The following GFOD1 variants were observed in gnomAD, a reference collection of about 807,000 sequenced individuals.
The protein encoded by GFOD1 is Gfo/Idh/MocA-like oxidoreductase domain containing 1, also known as glucose-fructose oxidoreductase domain-containing protein 1.
A neutral mutation model predicts 25.4 loss-of-function variants in GFOD1; 9 were observed. That is an observed-to-expected ratio of 0.35 (90% CI 0.21 to 0.62). The LOEUF (loss-of-function observed/expected upper bound fraction) is 0.62, where lower values mean the gene tolerates loss of function less well. GFOD1 is among the 20% of genes least tolerant of loss of function. GFOD1 has a pLI of 0.72. For missense variants in GFOD1, 403 were observed against 556.9 expected (o/e 0.72, Z 2.78); for synonymous variants, 253 against 245.6 (o/e 1.03, Z -0.28).
chr6:13,371,582 T>C (rs979469180), intron 1 of GFOD1, among the ~76,000 whole-genome samples: 3 of 152,218 alleles, frequency 2.0e-5, no homozygotes, highest in Non-Finnish European at 2.9e-5. Context: ...TGGACTCTAT[T>C]TCACTCCAGA....
intron 1 of GFOD1, among the ~76,000 whole-genome samples, chr6:13,483,732 T>C (rs1584679363): frequency 6.6e-6 from 1 of 152,126 alleles, no homozygotes; most frequent in East Asian, 1.9e-4. Context: ...TGCCATGATC[T>C]ATGGCAGAGG....
chr6:13,435,269 T>G (rs933126718), intron 1 of GFOD1, among the ~76,000 whole-genome samples: 3 of 152,098 alleles, frequency 2.0e-5, no homozygotes, highest in African/African-American at 7.2e-5. Flanking sequence ...AGGTGCTAAT[T>G]CCCTACTTGC....
In GFOD1 at chr6:13,365,784, C is replaced by G. The variant is rs188253611; in HGVS notation, c.254-122G>C. Reference sequence around the variant, plus strand: ...AGAAGGTCAGATGTGGTGGCTCATGCCTGTTGTCCCAGCACTTTGGGAGGC... The same window carrying G: ...AGAAGGTCAGATGTGGTGGCTCATGGCTGTTGTCCCAGCACTTTGGGAGGC... On this transcript the variant is annotated intron_variant, in intron 1 of 1. Transcript: ENST00000379287. This position sits in a 1 kb window ranked among gnomAD's most constrained non-coding sequence, Gnocchi z 9.2. 489 of 803,438 alleles carry G rather than the reference C, an allele frequency of 6.1e-4. 2 individuals carry two copies. In the African/African-American group the frequency reaches 7.4e-3, roughly 12 times the overall value. The allele number at this position is 803,438 out of a possible 1,614,324, so 49.8% of individuals were successfully genotyped here.
Position 13,430,895 on chromosome 6 carries a change from C to T in GFOD1, c.253+55743G>A, listed in dbSNP as rs1382502138. Among the ~76,000 whole-genome samples the T allele has an allele frequency of 1.3e-5, 2 of 152,176 alleles. No homozygotes were observed. The highest frequency in any genetic ancestry group is 2.9e-5 in the Non-Finnish European group (2 of 68,024). ...CTCCATCTCCAACTTTTCAGGTAAC[C>T]TTCTCCTGCCCTCTCTACAGTCCAG... is the stretch of plus-strand genomic sequence containing the variant. On this transcript the variant is annotated intron_variant, in intron 1 of 1. Transcript: ENST00000379287. The surrounding 1 kb of genome is among the most constrained non-coding windows in gnomAD (Gnocchi z 4.1).
chr6:13,449,749 C>G (rs936253433), intron 1 of GFOD1, among the ~76,000 whole-genome samples: 10 of 152,266 alleles, frequency 6.6e-5, no homozygotes, highest in Middle Eastern at 6.8e-3. Context: ...GTAAGATGTG[C>G]CTTTTGCCGT....
At chr6:13,476,862 A>T (rs1168653966) in intron 1 of GFOD1, among the ~76,000 whole-genome samples, 8 of 152,206 alleles carry the variant, frequency 5.3e-5, no homozygotes, top group African/African-American at 1.9e-4. Context: ...GGCATCCCAG[A>T]CTTGCCCAAA....
Position 13,487,142 on chromosome 6 carries a change from G to A in GFOD1, c.-252C>T. 1 of 460,330 alleles carries A rather than the reference G, an allele frequency of 2.2e-6. No individual in the cohort carries two copies. The highest frequency in any genetic ancestry group is 3.8e-6 in the Non-Finnish European group (1 of 264,228). 28.5% of individuals were successfully genotyped at this position (460,330 alleles called of 1,614,324 possible). A position where few individuals can be genotyped will look rare whatever the true frequency, so the allele number is the denominator to read the frequency against. On this transcript the variant is annotated 5_prime_UTR_variant, in exon 1 of 2. Coordinates refer to ENST00000379287, the MANE Select transcript of GFOD1 (RefSeq NM_018988.4). This position sits in a 1 kb window ranked among gnomAD's most constrained non-coding sequence, Gnocchi z 4.9. ...GGGGCTCGCGTCCTTCCCGGAGTCG[G>A]CGGCAGGGACCCCCCCAGGGCGCCG...
chr6:13,405,676 GACC>G (rs1785932088), intron 1 of GFOD1, among the ~76,000 whole-genome samples: 1 of 152,136 alleles, frequency 6.6e-6, no homozygotes, highest in South Asian at 2.1e-4. Context: ...TCTTGCTGGT[GACC>G]GTGGCTATAG....
At chr6:13,456,464 C>A (rs1450993365) in intron 1 of GFOD1, among the ~76,000 whole-genome samples, 3 of 152,178 alleles carry the variant, frequency 2.0e-5, no homozygotes, top group African/African-American at 4.8e-5. Flanking sequence ...TGTGAGCCAC[C>A]ACACTTGGCC....
intron 1 of GFOD1, among the ~76,000 whole-genome samples, chr6:13,408,721 T>C (rs1785992060): frequency 6.6e-6 from 1 of 152,192 alleles, no homozygotes; most frequent in Non-Finnish European, 1.5e-5. Context: ...GCTGATAGAT[T>C]TGTTCACTTC....
At chr6:13,450,954 T>G (rs190791297) in intron 1 of GFOD1, among the ~76,000 whole-genome samples, 1 of 152,342 alleles carries the variant, frequency 6.6e-6, no homozygotes. Context: ...CGGTGAGGTA[T>G]GTAAATCCCA....
chr6:13,370,312 A>T (rs536612117), intron 1 of GFOD1, among the ~76,000 whole-genome samples: 1 of 152,130 alleles, frequency 6.6e-6, no homozygotes, highest in East Asian at 1.9e-4. Context: ...GATGCACAAA[A>T]CTCTGCCACA....
At position 13,364,603 on chromosome 6, in the gene GFOD1, T is replaced by G. The variant is rs916849206; in HGVS notation, c.*140A>C. ...TCGGTCACCGGGATTGGAGTTTACC[T>G]TCCTAGATGCCATTTATTCACACTG... On this transcript the variant is annotated 3_prime_UTR_variant, in exon 2 of 2. Coordinates refer to ENST00000379287, the MANE Select transcript of GFOD1 (RefSeq NM_018988.4). The surrounding 1 kb of genome is among the most constrained non-coding windows in gnomAD (Gnocchi z 4.1). 2.3e-5 allele frequency: 17 copies of G among 728,720 alleles called. No individual in the cohort carries two copies. In the East Asian group the frequency reaches 4.3e-4, roughly 19 times the overall value. 45.1% of individuals were successfully genotyped at this position (728,720 alleles called of 1,614,324 possible). A position where few individuals can be genotyped will look rare whatever the true frequency, so the allele number is the denominator to read the frequency against.
At chr6:13,486,568 G>T (rs1474508540) in intron 1 of GFOD1, 70 bp downstream of exon 1, 4 of 1,303,560 alleles carry the variant, frequency 3.1e-6, no homozygotes, top group Non-Finnish European at 4.3e-6. Context: ...GGGAAAGGCA[G>T]GGGGGAAGGA....
intron 1 of GFOD1, among the ~76,000 whole-genome samples, chr6:13,390,785 AAGG>A (rs754399540): frequency 2.3e-3 from 266 of 117,670 alleles, no homozygotes; most frequent in East Asian, 8.5e-3. Context: ...GAGAGAAAGG[AAGG>A]AAGGAAGGAA....
intron 1 of GFOD1, among the ~76,000 whole-genome samples, chr6:13,465,324 G>T (rs1191292514): frequency 1.3e-5 from 2 of 152,200 alleles, no homozygotes; most frequent in East Asian, 3.8e-4. Flanking sequence ...CCCACAGGCA[G>T]GGGTTGGACA....
At chr6:13,416,482 T>G (rs1786164852) in intron 1 of GFOD1, among the ~76,000 whole-genome samples, 1 of 152,078 alleles carries the variant, frequency 6.6e-6, no homozygotes, top group Non-Finnish European at 1.5e-5. Context: ...ACATTTAAGC[T>G]AAAAAGGAAT....
At chr6:13,397,766 G>A (rs17618545) in intron 1 of GFOD1, among the ~76,000 whole-genome samples, 2,509 of 152,336 alleles carry the variant, frequency 0.016, 19 homozygotes, top group Non-Finnish European at 0.027. Flanking sequence ...CACAGCCCAC[G>A]TGGCATTATC....
intron 1 of GFOD1, among the ~76,000 whole-genome samples, chr6:13,415,157 G>A (rs1786142588): frequency 6.6e-6 from 1 of 152,158 alleles, no homozygotes; most frequent in South Asian, 2.1e-4. Flanking sequence ...CCTGTCTGGG[G>A]AGGACACTTA....
Sources: allele counts gnomAD v4.1 joint callset (sites outside exome capture counted in the v4.1 genomes callset), GRCh38; gene constraint gnomAD v4.1.1; non-coding constraint Gnocchi (gnomAD v3.1); transcripts MANE v1.5; gene names NCBI Gene and HGNC (gene_info 2026-07-23, HGNC 2026-07-21).